The following CERS3 variants were observed in gnomAD, a reference collection of about 807,000 sequenced individuals.
CERS3 encodes the protein ceramide synthase 3.
In CERS3, 33 loss-of-function variants were observed where a neutral mutation model predicts 50.3. The ratio of observed to expected loss-of-function variants is 0.66; its 90% CI spans 0.50 to 0.88. The LOEUF is 0.88. Ranked by LOEUF, CERS3 falls within the 40% of genes least tolerant of loss-of-function variation. The probability of loss-of-function intolerance (pLI) is 0.00; values close to 1 mark genes in which losing one functional copy is unlikely to be tolerated. For missense variants in CERS3, 470 were observed against 460.3 expected (o/e 1.02, Z -0.19); for synonymous variants, 176 against 155.2 (o/e 1.13, Z -0.99).
intron 11 of CERS3, among the ~76,000 whole-genome samples, chr15:100,405,053 C>A (rs1224640143): frequency 6.6e-6 from 1 of 152,002 alleles, no homozygotes; most frequent in Non-Finnish European, 1.5e-5. Flanking sequence ...AGTTCTTAAA[C>A]ACGGCACTAA....
At chr15:100,505,172 T>C (rs1402865108) in intron 2 of CERS3, among the ~76,000 whole-genome samples, 1 of 152,196 alleles carries the variant, frequency 6.6e-6, no homozygotes, top group Non-Finnish European at 1.5e-5. Context: ...AGGGAACACA[T>C]AGCAATGACA....
At chr15:100,418,135 G>C (rs1161331061) in intron 11 of CERS3, among the ~76,000 whole-genome samples, 1 of 151,968 alleles carries the variant, frequency 6.6e-6, no homozygotes, top group Non-Finnish European at 1.5e-5. Context: ...ATTACTCTGA[G>C]CTACGGGAGG....
chr15:100,404,571 C>T (rs117375700), intron 11 of CERS3, among the ~76,000 whole-genome samples: 2,517 of 152,196 alleles, frequency 0.017, 31 homozygotes, highest in Admixed American at 0.028. Context: ...GTAGATTCCA[C>T]GCAATACTAA....
intron 2 of CERS3, among the ~76,000 whole-genome samples, chr15:100,511,898 C>T (rs12909714): frequency 1.6e-3 from 19 of 11,584 alleles, no homozygotes; most frequent in Admixed American, 2.3e-3. Flanking sequence ...GGAGCCTGGG[C>T]TTCCATTAAT....
At chr15:100,543,278 G>C (rs1321146511) in intron 1 of CERS3, among the ~76,000 whole-genome samples, 3 of 152,284 alleles carry the variant, frequency 2.0e-5, no homozygotes, top group South Asian at 4.1e-4. Context: ...CTGGTTCTCT[G>C]TTGGTTAATG....
chr15:100,426,133 A>T (rs1274002280), intron 11 of CERS3: 1 of 152,294 alleles, frequency 6.6e-6, no homozygotes, highest in African/African-American at 2.4e-5. Flanking sequence ...TTGAAAAAGA[A>T]AAAAAAGCTC....
chr15:100,483,073 T>A (rs2035362529), intron 5 of CERS3, among the ~76,000 whole-genome samples: 1 of 152,246 alleles, frequency 6.6e-6, no homozygotes, highest in Admixed American at 6.5e-5. Flanking sequence ...TTGCTTTACT[T>A]GAAAATACTG....
chr15:100,471,308 A>G (rs901607548), intron 9 of CERS3, among the ~76,000 whole-genome samples: 9 of 152,074 alleles, frequency 5.9e-5, no homozygotes, highest in African/African-American at 1.9e-4. Flanking sequence ...ACATACCCCA[A>G]TGGACAGATA....
intron 11 of CERS3, among the ~76,000 whole-genome samples, chr15:100,412,467 G>A (rs1455924850): frequency 6.6e-6 from 1 of 152,180 alleles, no homozygotes; most frequent in African/African-American, 2.4e-5. Flanking sequence ...TTTGTAGTAA[G>A]TTTGGAAATC....
Position 100,414,955 on chromosome 15 carries a change from A to G in CERS3, c.1000-12090T>C, listed in dbSNP as rs186996571. On this transcript the variant is annotated intron_variant, in intron 11 of 11. Coordinates refer to ENST00000679737, the MANE Select transcript of CERS3 (RefSeq NM_001378789.1). ...CAAATGGGATCTAATTAAACTAAAG[A>G]GCTTCTGCACAGCAAAAGAAACTAT... 5.2e-3 allele frequency among the ~76,000 whole-genome samples: 799 copies of G among 152,298 alleles called. 7 individuals carry two copies. Among genetic ancestry groups the G allele is most frequent in the African/African-American group, 0.018 (764 of 41,560 alleles).
chr15:100,471,233 T>C (rs2034957827), intron 9 of CERS3, among the ~76,000 whole-genome samples: 1 of 152,152 alleles, frequency 6.6e-6, no homozygotes, highest in Non-Finnish European at 1.5e-5. Context: ...TTTTTCTTCT[T>C]CTTCTTTTTT....
At chr15:100,460,101 T>A (rs553596402) in intron 10 of CERS3, among the ~76,000 whole-genome samples, 2 of 152,308 alleles carry the variant, frequency 1.3e-5, no homozygotes, top group Non-Finnish European at 2.9e-5. Flanking sequence ...ATTAAAAAAA[T>A]TTTTAAATCA....
chr15:100,527,878 T>C (rs2036840004), intron 1 of CERS3, among the ~76,000 whole-genome samples: 1 of 56,004 alleles, frequency 1.8e-5, no homozygotes, highest in African/African-American at 4.3e-5. Context: ...TATTTTCTCT[T>C]TAAAGAACTT....
chr15:100,527,085 G>C (rs1482491362), intron 1 of CERS3, among the ~76,000 whole-genome samples: 1 of 152,118 alleles, frequency 6.6e-6, no homozygotes, highest in Non-Finnish European at 1.5e-5. Context: ...CTTGAGGCCA[G>C]GAGATCGAGA....
At chr15:100,440,361 A>G (rs919361917) in intron 11 of CERS3, among the ~76,000 whole-genome samples, 1 of 152,142 alleles carries the variant, frequency 6.6e-6, no homozygotes, top group Non-Finnish European at 1.5e-5. Context: ...ATCTTGTGAA[A>G]TTCCTTCTCC....
Position 100,483,778 on chromosome 15 carries a change from A to ATTTTTTT in CERS3, c.407+771_407+772insAAAAAAA, listed in dbSNP as rs1300648690. Among the ~76,000 whole-genome samples, 37 of 59,126 alleles carry ATTTTTTT rather than the reference A, an allele frequency of 6.3e-4. No homozygotes were observed. In the East Asian group the frequency reaches 0.01, roughly 16 times the overall value. 38.8% of individuals were successfully genotyped at this position (59,126 alleles called of 152,430 possible). ...AGAAGGATCAATAATAATAATAATTATTATTATTATTTTTTTTTTTGAGAC... is the reference window on the plus strand; with the variant it reads ...AGAAGGATCAATAATAATAATAATTATTTTTTTTTATTATTATTTTTTTTTTTGAGAC... On this transcript the variant is annotated intron_variant, in intron 5 of 11. Transcript: ENST00000679737.
At chr15:100,404,574 A>G (rs1180219619) in intron 11 of CERS3, among the ~76,000 whole-genome samples, 3 of 152,338 alleles carry the variant, frequency 2.0e-5, no homozygotes, top group Non-Finnish European at 2.9e-5. Context: ...GATTCCACGC[A>G]ATACTAATCA....
intron 4 of CERS3, among the ~76,000 whole-genome samples, chr15:100,489,122 T>C (rs1238397211): frequency 1.3e-5 from 2 of 152,210 alleles, no homozygotes; most frequent in Admixed American, 6.5e-5. Flanking sequence ...ATTCTGTCTT[T>C]ATTAAACCAT....
chr15:100,482,406 C>T (rs556009961), intron 5 of CERS3, among the ~76,000 whole-genome samples: 14 of 152,058 alleles, frequency 9.2e-5, no homozygotes, highest in Middle Eastern at 3.4e-3. Flanking sequence ...GTGGTGGGGA[C>T]GCTGCATAGA....
Sources: allele counts gnomAD v4.1 joint callset (sites outside exome capture counted in the v4.1 genomes callset), GRCh38; gene constraint gnomAD v4.1.1; transcripts MANE v1.5; gene names NCBI Gene and HGNC (gene_info 2026-07-23, HGNC 2026-07-21).